TAFA1: variants seen among roughly 807,000 people sequenced by gnomAD.
The protein encoded by TAFA1 is TAFA chemokine like family member 1.
Under a neutral mutation model 18.5 loss-of-function variants are expected in TAFA1, and 4 were observed. The observed-to-expected ratio is 0.22, with a 90% CI of 0.11 to 0.49. TAFA1 has a LOEUF of 0.49. Among genes scored for constraint, TAFA1 ranks in the 20% least tolerant of loss-of-function variants. TAFA1 has a pLI of 0.98. For missense variants in TAFA1, 147 were observed against 169.0 expected, an observed-to-expected ratio of 0.87 and a Z score of 0.72; for synonymous variants, 56 against 55.2, an observed-to-expected ratio of 1.01 and a Z score of -0.06.
chr3:68,458,138 G>T (rs1369007476), intron 3 of TAFA1, among the ~76,000 whole-genome samples: 1 of 152,058 alleles, frequency 6.6e-6, no homozygotes, highest in African/African-American at 2.4e-5. Context: ...CTGTTCTCAC[G>T]ATGGTAAGAG....
At chr3:68,536,414 G>A (rs549677829) in intron 3 of TAFA1, among the ~76,000 whole-genome samples, 34 of 152,278 alleles carry the variant, frequency 2.2e-4, no homozygotes, top group African/African-American at 7.5e-4. Context: ...GAGACTTAAA[G>A]ATCATGGTGG....
chr3:68,226,098 G>A (rs562073848), intron 2 of TAFA1, among the ~76,000 whole-genome samples: 10 of 152,184 alleles, frequency 6.6e-5, no homozygotes, highest in Non-Finnish European at 1.5e-4. Context: ...AAGAAAGACC[G>A]ACTGATTGAT....
intron 2 of TAFA1, among the ~76,000 whole-genome samples, chr3:68,182,987 T>A (rs1363473802): frequency 1.3e-5 from 2 of 152,150 alleles, no homozygotes; most frequent in East Asian, 3.9e-4. Context: ...AAGTCATGTA[T>A]CTTTATTTCA....
intron 2 of TAFA1, among the ~76,000 whole-genome samples, chr3:68,093,062 G>A (rs1187463916): frequency 1.3e-5 from 2 of 152,014 alleles, no homozygotes; most frequent in African/African-American, 2.4e-5. Flanking sequence ...ATTTCCTCTC[G>A]AAAGTCTTCC....
chr3:68,042,479 G>C (rs1194664903), intron 2 of TAFA1, among the ~76,000 whole-genome samples: 1 of 152,062 alleles, frequency 6.6e-6, no homozygotes, highest in African/African-American at 2.4e-5. Context: ...GTGTAGCCCT[G>C]TCTCTACTAA....
intron 2 of TAFA1, among the ~76,000 whole-genome samples, chr3:68,060,080 C>A (rs919958643): frequency 2.1e-4 from 31 of 151,018 alleles, no homozygotes; most frequent in Middle Eastern, 3.2e-3. Context: ...AAAAAAAAAA[C>A]ACACACACAC....
intron 2 of TAFA1, among the ~76,000 whole-genome samples, chr3:68,073,704 G>T (rs2064786229): frequency 6.6e-6 from 1 of 152,100 alleles, no homozygotes; most frequent in South Asian, 2.1e-4. Flanking sequence ...TTATACTGGT[G>T]GTGAGAGTAG....
At chr3:68,267,215 A>G (rs2067565681) in intron 2 of TAFA1, among the ~76,000 whole-genome samples, 1 of 152,184 alleles carries the variant, frequency 6.6e-6, no homozygotes, top group Admixed American at 6.5e-5. Flanking sequence ...ACATACATCA[A>G]AACATCACAT....
At chr3:68,084,739 A>C (rs1216057566) in intron 2 of TAFA1, among the ~76,000 whole-genome samples, 2 of 151,748 alleles carry the variant, frequency 1.3e-5, no homozygotes, top group Non-Finnish European at 2.9e-5. Context: ...CGGAGGTTGC[A>C]GCGAGCCGAG....
At chr3:68,112,119 G>A (rs1353688353) in intron 2 of TAFA1, among the ~76,000 whole-genome samples, 5 of 151,822 alleles carry the variant, frequency 3.3e-5, no homozygotes, top group Non-Finnish European at 7.4e-5. Flanking sequence ...TACTCATATA[G>A]AGAAGAGACA....
chr3:68,221,658 G>A (rs759897268), intron 2 of TAFA1, among the ~76,000 whole-genome samples: 2 of 152,116 alleles, frequency 1.3e-5, no homozygotes. Flanking sequence ...AAGAGAAAAA[G>A]CATTTTTATG....
intron 2 of TAFA1, among the ~76,000 whole-genome samples, chr3:68,011,674 C>G (rs543801161): frequency 6.6e-6 from 1 of 152,172 alleles, no homozygotes; most frequent in Non-Finnish European, 1.5e-5. Context: ...CATATTGGCT[C>G]TTTAAGAATG....
chr3:68,273,017 G>A (rs2107234689), intron 2 of TAFA1, among the ~76,000 whole-genome samples: 1 of 152,026 alleles, frequency 6.6e-6, no homozygotes, highest in East Asian at 1.9e-4. Flanking sequence ...TTTAATTGGT[G>A]GTGGTGGGGG....
intron 2 of TAFA1, among the ~76,000 whole-genome samples, chr3:68,358,674 C>T (rs935806359): frequency 2.6e-5 from 4 of 151,894 alleles, no homozygotes; most frequent in Non-Finnish European, 4.4e-5. Context: ...TGCTCACAGC[C>T]CTCAGATGGA....
chr3:68,000,602 G>A (rs560781644), upstream of TAFA1, among the ~76,000 whole-genome samples: 1 of 152,268 alleles, frequency 6.6e-6, no homozygotes, highest in Admixed American at 6.5e-5. Context: ...AAATGCAGTG[G>A]GAAACTATTG....
chr3:68,341,057 C>A (rs1349311131), intron 2 of TAFA1, among the ~76,000 whole-genome samples: 1 of 151,958 alleles, frequency 6.6e-6, no homozygotes, highest in African/African-American at 2.4e-5. Context: ...GAATAACCAC[C>A]CAATGGGTTC....
At chr3:68,384,945 T>C (rs995992653) in intron 2 of TAFA1, among the ~76,000 whole-genome samples, 2 of 152,166 alleles carry the variant, frequency 1.3e-5, no homozygotes, top group African/African-American at 4.8e-5. Context: ...TTCATCTTTG[T>C]TGGTTTAAAA....
intron 2 of TAFA1, among the ~76,000 whole-genome samples, chr3:68,188,915 G>A (rs1033356396): frequency 6.6e-6 from 1 of 151,808 alleles, no homozygotes; most frequent in African/African-American, 2.4e-5. Flanking sequence ...TACAAGGCCA[G>A]GTGTGCACTT....
chr3:68,439,589 G>A (rs987878964), intron 3 of TAFA1, among the ~76,000 whole-genome samples: 2 of 151,534 alleles, frequency 1.3e-5, no homozygotes, highest in African/African-American at 4.9e-5. Flanking sequence ...TACAGCATGG[G>A]AGAAAGATGT....
Sources: allele counts gnomAD v4.1 joint callset (sites outside exome capture counted in the v4.1 genomes callset), GRCh38; gene constraint gnomAD v4.1.1; transcripts MANE v1.5; gene names NCBI Gene and HGNC (gene_info 2026-07-23, HGNC 2026-07-21).